The following TMEM132B variants were observed in gnomAD, a reference collection of about 807,000 sequenced individuals.
TMEM132B encodes transmembrane protein 132B.
A neutral mutation model predicts 90.8 loss-of-function variants in TMEM132B; 18 were observed. The ratio of observed to expected loss-of-function variants is 0.20; its 90% CI spans 0.14 to 0.29. The LOEUF (loss-of-function observed/expected upper bound fraction) is 0.29, where lower values mean the gene tolerates loss of function less well. TMEM132B is among the 10% of genes least tolerant of loss of function. TMEM132B has a pLI of 1.00. For synonymous variants in TMEM132B, 504 were observed against 523.3 expected (o/e 0.96, Z 0.50); for missense variants, 1,096 against 1,326.8 (o/e 0.83, Z 2.70).
At chr12:125,610,320 C>T (rs1396988242) in intron 5 of TMEM132B, among the ~76,000 whole-genome samples, 4 of 152,094 alleles carry the variant, frequency 2.6e-5, no homozygotes, top group Non-Finnish European at 5.9e-5. Flanking sequence ...GCTAATCTTA[C>T]GGTGGCATAA....
At chr12:125,539,720 A>G (rs1883904717) in intron 4 of TMEM132B, among the ~76,000 whole-genome samples, 1 of 152,116 alleles carries the variant, frequency 6.6e-6, no homozygotes. Context: ...TTATTCTGGC[A>G]TTGATTCTTT....
intron 5 of TMEM132B, among the ~76,000 whole-genome samples, chr12:125,635,933 G>A (rs1020656549): frequency 2.6e-5 from 4 of 152,106 alleles, no homozygotes; most frequent in African/African-American, 9.7e-5. Flanking sequence ...CTATAATAGG[G>A]TGGCACTGAG....
intron 2 of TMEM132B, among the ~76,000 whole-genome samples, chr12:125,387,264 A>G (rs1276367638): frequency 6.6e-6 from 1 of 152,178 alleles, no homozygotes; most frequent in Non-Finnish European, 1.5e-5. Flanking sequence ...AGTCCCTGTC[A>G]ATAGCACTGT....
At chr12:125,238,352 C>CAAAAAAAAAAAACCAAAAAAAAA in intron 1 of TMEM132B, among the ~76,000 whole-genome samples, 1 of 43,888 alleles carries the variant, frequency 2.3e-5, no homozygotes, top group Non-Finnish European at 4.7e-5. Flanking sequence ...GACTCCGTCT[C>CAAAAAAAAAAAACCAAAAAAAAA]AAAAAAAAAA....
intron 1 of TMEM132B, among the ~76,000 whole-genome samples, chr12:125,208,752 G>A (rs1873244908): frequency 6.6e-6 from 1 of 152,206 alleles, no homozygotes; most frequent in South Asian, 2.1e-4. Flanking sequence ...TGGCCGCGTG[G>A]TAGAAAGGAA....
chr12:125,435,023 G>A (rs1363082172), intron 3 of TMEM132B, among the ~76,000 whole-genome samples: 2 of 152,184 alleles, frequency 1.3e-5, no homozygotes, highest in Non-Finnish European at 2.9e-5. Context: ...CTTTGTGGGG[G>A]CTCAGGTGTC....
chr12:125,475,958 TG>T (rs1313647622), intron 3 of TMEM132B, among the ~76,000 whole-genome samples: 2 of 152,188 alleles, frequency 1.3e-5, no homozygotes, highest in African/African-American at 2.4e-5. Flanking sequence ...AATTTAGCTT[TG>T]TTTTTTTTAC....
intron 3 of TMEM132B, among the ~76,000 whole-genome samples, chr12:125,421,479 G>A (rs1049713595): frequency 2.2e-4 from 34 of 152,154 alleles, no homozygotes; most frequent in African/African-American, 8.0e-4. Context: ...TCACTGTCAT[G>A]AGAACAGCAC....
chr12:125,469,599 C>T (rs778721072), intron 3 of TMEM132B, among the ~76,000 whole-genome samples: 12 of 152,104 alleles, frequency 7.9e-5, no homozygotes, highest in African/African-American at 1.4e-4. Context: ...TGAGGTCACA[C>T]GAGGCAGGGA....
intron 1 of TMEM132B, among the ~76,000 whole-genome samples, chr12:125,275,775 G>A (rs1874969925): frequency 6.6e-6 from 1 of 152,156 alleles, no homozygotes; most frequent in Admixed American, 6.5e-5. Flanking sequence ...GTGTGGTGGT[G>A]TGATAACAGT....
intron 1 of TMEM132B, among the ~76,000 whole-genome samples, chr12:125,260,940 G>GTGTT (rs1051183221): frequency 2.0e-5 from 3 of 151,652 alleles, no homozygotes; most frequent in Non-Finnish European, 4.4e-5. Flanking sequence ...GTGTGTGTGT[G>GTGTT]TGTGTGTGTG....
At chr12:125,517,498 A>G (rs1029516880) in intron 3 of TMEM132B, among the ~76,000 whole-genome samples, 1 of 151,984 alleles carries the variant, frequency 6.6e-6, no homozygotes, top group Admixed American at 6.6e-5. Flanking sequence ...GGCCCAACAC[A>G]TATTTTCTTG....
chr12:125,259,737 T>G (rs549440732), intron 1 of TMEM132B, among the ~76,000 whole-genome samples: 90 of 152,246 alleles, frequency 5.9e-4, no homozygotes, highest in African/African-American at 2.1e-3. Context: ...AAATCTTGCT[T>G]GTTTATGGGG....
chr12:125,308,092 TTACAA>T (rs1345710634), intron 1 of TMEM132B, among the ~76,000 whole-genome samples: 11 of 145,634 alleles, frequency 7.6e-5, no homozygotes, highest in East Asian at 2.0e-4. Flanking sequence ...GTATATATAC[TTACAA>T]TACAAGTATA....
chr12:125,334,182 A>G (rs537021788), intron 1 of TMEM132B, among the ~76,000 whole-genome samples: 2 of 152,372 alleles, frequency 1.3e-5, no homozygotes, highest in Admixed American at 1.3e-4. Flanking sequence ...TTATTATGTG[A>G]TATCAGTTTT....
chr12:125,259,772 G>A (rs1874519223), intron 1 of TMEM132B, among the ~76,000 whole-genome samples: 1 of 152,182 alleles, frequency 6.6e-6, no homozygotes, highest in Non-Finnish European at 1.5e-5. Flanking sequence ...AGGACTTAAT[G>A]CTGCGGTTAA....
intron 3 of TMEM132B, among the ~76,000 whole-genome samples, chr12:125,475,374 C>G (rs1881848295): frequency 6.6e-6 from 1 of 152,140 alleles, no homozygotes; most frequent in African/African-American, 2.4e-5. Flanking sequence ...ATGGTTAATA[C>G]TGAGTGTCAA....
At chr12:125,317,584 C>T (rs1876317197) in intron 1 of TMEM132B, among the ~76,000 whole-genome samples, 1 of 152,040 alleles carries the variant, frequency 6.6e-6, no homozygotes, top group Non-Finnish European at 1.5e-5. Context: ...GTGCTGCCTT[C>T]CCACCATGGG....
chr12:125,618,181 CCT>C (rs1566090918), intron 5 of TMEM132B, among the ~76,000 whole-genome samples: 1 of 152,102 alleles, frequency 6.6e-6, no homozygotes, highest in Non-Finnish European at 1.5e-5. Context: ...GGGACACTAG[CCT>C]CTAGTATTCT....
Sources: gnomAD v4.1 joint callset for allele counts (sites outside exome capture counted in the v4.1 genomes callset) on GRCh38, gnomAD v4.1.1 for gene constraint, MANE v1.5 for transcripts, NCBI Gene and HGNC (gene_info 2026-07-23, HGNC 2026-07-21) for gene names.